The following RAB31 variants were observed in gnomAD, a reference collection of about 807,000 sequenced individuals.
The protein encoded by RAB31 is RAB31, member RAS oncogene family.
Under a neutral mutation model 25.6 loss-of-function variants are expected in RAB31, and 21 were observed. The observed-to-expected ratio is 0.82, with a 90% CI of 0.58 to 1.18. The LOEUF (loss-of-function observed/expected upper bound fraction) is 1.18, where lower values mean the gene tolerates loss of function less well. Ranked by LOEUF, RAB31 falls within the 50% of genes most tolerant of loss-of-function variation. The pLI, the probability that RAB31 is intolerant of heterozygous loss-of-function variation, is 0.00. For synonymous variants in RAB31, 87 were observed against 84.0 expected (o/e 1.04, Z -0.20); for missense variants, 196 against 250.1 (o/e 0.78, Z 1.46).
intron 2 of RAB31, among the ~76,000 whole-genome samples, chr18:9,784,617 A>G (rs1404381149): frequency 2.0e-5 from 3 of 147,738 alleles, no homozygotes; most frequent in Non-Finnish European, 3.0e-5. Context: ...TAGTGGTGTG[A>G]TCTCAGCTCA....
At chr18:9,801,577 G>A (rs1003350618) in intron 3 of RAB31, among the ~76,000 whole-genome samples, 2 of 152,082 alleles carry the variant, frequency 1.3e-5, no homozygotes, top group South Asian at 2.1e-4. Flanking sequence ...CACCGTGCCC[G>A]GCCAGATGCA....
intron 1 of RAB31, among the ~76,000 whole-genome samples, chr18:9,767,435 A>G (rs995480048): frequency 6.6e-6 from 1 of 152,232 alleles, no homozygotes; most frequent in Non-Finnish European, 1.5e-5. Flanking sequence ...AAGATTTCTG[A>G]AAGTCTGCGG....
rs56347678 is a variant in RAB31, at chr18:9,708,752, C to T, written c.39+308C>T. ...CCGGGGTCCGGGTCCGAGCCTGCCC[C>T]GGGCTTACTCCGCTCTTTCCTCCCG... On this transcript the variant is annotated intron_variant, in intron 1 of 6. Transcript: ENST00000578921. The surrounding 1 kb of genome is among the most constrained non-coding windows in gnomAD (Gnocchi z 6.4). Among the ~76,000 whole-genome samples, 222 of 152,110 alleles carry T rather than the reference C, an allele frequency of 1.5e-3. No individual in the cohort carries two copies. Among genetic ancestry groups the T allele is most frequent in the Non-Finnish European group, 2.8e-3 (190 of 67,966 alleles).
intron 1 of RAB31, among the ~76,000 whole-genome samples, chr18:9,751,161 G>A (rs979291202): frequency 1.3e-5 from 2 of 152,120 alleles, no homozygotes; most frequent in African/African-American, 4.8e-5. Flanking sequence ...AGACTCCCGA[G>A]TAGCTGGGAC....
At chr18:9,833,419 T>A (rs1035825354) in intron 5 of RAB31, among the ~76,000 whole-genome samples, 1 of 152,160 alleles carries the variant, frequency 6.6e-6, no homozygotes, top group African/African-American at 2.4e-5. Context: ...GGGTCCAGAG[T>A]ACCTGCTGGT....
chr18:9,752,802 CAAA>C (rs1449221628), intron 1 of RAB31, among the ~76,000 whole-genome samples: 1 of 152,216 alleles, frequency 6.6e-6, no homozygotes, highest in African/African-American at 2.4e-5. Flanking sequence ...GATGTGCAAT[CAAA>C]GAAGTTTGGA....
At chr18:9,747,809 T>C (rs185491645) in intron 1 of RAB31, among the ~76,000 whole-genome samples, 81 of 152,362 alleles carry the variant, frequency 5.3e-4, no homozygotes, top group Non-Finnish European at 5.9e-5. Flanking sequence ...GTGGATGTAC[T>C]AAATGCCACT....
intron 6 of RAB31, among the ~76,000 whole-genome samples, chr18:9,856,554 TC>T (rs1366273102): frequency 6.6e-6 from 1 of 152,252 alleles, no homozygotes; most frequent in Non-Finnish European, 1.5e-5. Flanking sequence ...CTAATGCTGT[TC>T]TGCTAACATT....
intron 1 of RAB31, among the ~76,000 whole-genome samples, chr18:9,754,365 T>G (rs1362807085): frequency 2.6e-5 from 4 of 152,134 alleles, no homozygotes; most frequent in African/African-American, 9.7e-5. Flanking sequence ...CTGCAACCTC[T>G]GCTTCCTGGG....
chr18:9,713,095 A>G (rs1450727112), intron 1 of RAB31, among the ~76,000 whole-genome samples: 1 of 152,260 alleles, frequency 6.6e-6, no homozygotes, highest in Admixed American at 6.5e-5. Flanking sequence ...ACAGTAAGGC[A>G]GATCATCAGA....
chr18:9,805,243 G>A (rs1275136785), intron 3 of RAB31, among the ~76,000 whole-genome samples: 2 of 149,558 alleles, frequency 1.3e-5, no homozygotes, highest in Non-Finnish European at 3.0e-5. Context: ...GCAACAGAAT[G>A]AGACCTTGTC....
At position 9,815,142 on chromosome 18, in the gene RAB31, G is replaced by A. The variant is rs2068594457; in HGVS notation, c.300G>A (p.Trp100Ter). Residue 100 changes from tryptophan to a stop codon, truncating the protein, a stop_gained, in exon 5 of 7, where the codon TGG (tryptophan) becomes TGA (stop). Transcript: ENST00000578921. LOFTEE classifies it high-confidence loss of function. ...KQDSFYTLKK[W>*]VKELKEHGPE... The stretch of plus-strand genomic sequence containing the variant: ...ATTCATTTTATACCTTGAAGAAATG[G>A]GTCAAGGAGCTGAAAGAACATGGTC... The A allele has an allele frequency of 6.4e-7, 1 of 1,554,030 alleles. No individual in the cohort carries two copies. The highest frequency in any genetic ancestry group is 2.4e-5 in the East Asian group (1 of 41,418).
At chr18:9,715,528 C>CTTTT (rs1161797158) in intron 1 of RAB31, among the ~76,000 whole-genome samples, 12 of 128,192 alleles carry the variant, frequency 9.4e-5, no homozygotes, top group Non-Finnish European at 1.5e-4. Flanking sequence ...CTCTCTCTCT[C>CTTTT]TTTTTTTTTT....
At chr18:9,826,508 T>C (rs2068650664) in intron 5 of RAB31, among the ~76,000 whole-genome samples, 1 of 133,402 alleles carries the variant, frequency 7.5e-6, no homozygotes, top group African/African-American at 2.8e-5. Flanking sequence ...CTCTGCCCCC[T>C]TTCACACCCC....
chr18:9,848,511 A>C, intron 6 of RAB31, among the ~76,000 whole-genome samples: 1 of 152,348 alleles, frequency 6.6e-6, no homozygotes, highest in Non-Finnish European at 1.5e-5. Flanking sequence ...TTCAGAATGG[A>C]GTTCTGTAGC....
intron 1 of RAB31, among the ~76,000 whole-genome samples, chr18:9,772,095 T>C (rs1445915203): frequency 6.6e-6 from 1 of 152,082 alleles, no homozygotes; most frequent in African/African-American, 2.4e-5. Flanking sequence ...TCAAGGGCGT[T>C]TTGGGGCTGG....
intron 1 of RAB31, among the ~76,000 whole-genome samples, chr18:9,711,115 G>C (rs2068014778): frequency 6.6e-6 from 1 of 151,758 alleles, no homozygotes; most frequent in African/African-American, 2.4e-5. Flanking sequence ...TGATTCTCTG[G>C]GTGGGATAAC....
intron 5 of RAB31, among the ~76,000 whole-genome samples, chr18:9,838,619 A>G (rs1254001123): frequency 6.6e-6 from 1 of 152,168 alleles, no homozygotes; most frequent in East Asian, 1.9e-4. Context: ...GGTTACTTCC[A>G]CAAACAACAA....
At chr18:9,846,321 C>T (rs1292191815) in intron 6 of RAB31, among the ~76,000 whole-genome samples, 1 of 152,158 alleles carries the variant, frequency 6.6e-6, no homozygotes, top group Non-Finnish European at 1.5e-5. Flanking sequence ...AATGGCTCTG[C>T]CAACACATCT....
Sources: gnomAD v4.1 joint callset for allele counts (sites outside exome capture counted in the v4.1 genomes callset) on GRCh38, gnomAD v4.1.1 for gene constraint, Gnocchi (gnomAD v3.1) non-coding constraint, MANE v1.5 for transcripts, NCBI Gene and HGNC (gene_info 2026-07-23, HGNC 2026-07-21) for gene names.